INTS6: variants seen among roughly 807,000 people sequenced by gnomAD.
INTS6 encodes DEAD box protein.
A neutral mutation model predicts 104.9 loss-of-function variants in INTS6; 16 were observed. The ratio of observed to expected loss-of-function variants is 0.15; its 90% CI spans 0.10 to 0.23. INTS6 has a LOEUF of 0.23. Among genes scored for constraint, INTS6 ranks in the 10% least tolerant of loss-of-function variants. The probability of loss-of-function intolerance (pLI) is 1.00; values close to 1 mark genes in which losing one functional copy is unlikely to be tolerated. For missense variants in INTS6, 584 were observed against 1,062.8 expected (o/e 0.55, Z 6.26); for synonymous variants, 324 against 358.7 (o/e 0.90, Z 1.09).
At chr13:51,380,522 G>A (rs963786923) in intron 10 of INTS6, among the ~76,000 whole-genome samples, 1 of 152,122 alleles carries the variant, frequency 6.6e-6, no homozygotes, top group South Asian at 2.1e-4. Context: ...CGAAGTGTTT[G>A]TTCTTTTTTG....
intron 3 of INTS6, chr13:51,449,579 T>C: frequency 1.0e-6 from 1 of 985,328 alleles, no homozygotes; most frequent in Non-Finnish European, 1.2e-6. Flanking sequence ...AAACTAATAG[T>C]TCTGCCATAC....
intron 4 of INTS6, among the ~76,000 whole-genome samples, chr13:51,408,164 A>ATGGAG (rs1414357130): frequency 1.3e-5 from 2 of 149,570 alleles, no homozygotes; most frequent in Non-Finnish European, 3.0e-5. Context: ...TTTTTTTGAA[A>ATGGAG]TGGAGTTTCG....
intron 3 of INTS6, among the ~76,000 whole-genome samples, chr13:51,434,748 T>C (rs1210153625): frequency 2.8e-5 from 2 of 70,250 alleles, no homozygotes; most frequent in Admixed American, 2.8e-4. Flanking sequence ...TCTTATATAC[T>C]GTTTTGCACT....
rs1454497278 is a variant in INTS6, at chr13:51,379,447, A to G, written c.1386+15T>C. 1.3e-6 allele frequency: 2 copies of G among 1,488,766 alleles called. No individual in the cohort carries two copies. The highest frequency in any genetic ancestry group is 1.9e-6 in the Non-Finnish European group (2 of 1,079,478). 92.2% of individuals were successfully genotyped at this position (1,488,766 alleles called of 1,614,324 possible). On this transcript the variant is annotated intron_variant, in intron 11 of 17. Coordinates refer to ENST00000311234, the MANE Select transcript of INTS6 (RefSeq NM_012141.3). Reference sequence around the variant, plus strand: ...TTCAAAATACTTAATGGCTCACTCTATTTCTTGATATTACCTGTTGACTCA... The same window carrying G: ...TTCAAAATACTTAATGGCTCACTCTGTTTCTTGATATTACCTGTTGACTCA...
intron 4 of INTS6, among the ~76,000 whole-genome samples, chr13:51,412,483 A>T (rs1216607471): frequency 6.6e-6 from 1 of 152,208 alleles, no homozygotes; most frequent in Non-Finnish European, 1.5e-5. Flanking sequence ...GATCCAGGTG[A>T]GAATTCTCAT....
At chr13:51,400,335 A>G (rs1474065736) in intron 4 of INTS6, among the ~76,000 whole-genome samples, 3 of 152,212 alleles carry the variant, frequency 2.0e-5, no homozygotes, top group African/African-American at 7.2e-5. Context: ...CTTTTGATAA[A>G]CAGAAGTTAT....
chr13:51,452,670 G>A lies in INTS6; in HGVS notation c.-145C>T. Reference sequence around the variant, plus strand: ...AAACACTGTCTGGGTCTTTCCTCCGGCTGCGGGGAGTTTCTCCCCCGATAG... The same window carrying A: ...AAACACTGTCTGGGTCTTTCCTCCGACTGCGGGGAGTTTCTCCCCCGATAG... On this transcript the variant is annotated 5_prime_UTR_variant, in exon 1 of 18. Transcript: ENST00000311234. This position sits in a 1 kb window ranked among gnomAD's most constrained non-coding sequence, Gnocchi z 4.2. The A allele has an allele frequency of 1.4e-6, 2 of 1,420,650 alleles. No homozygotes were observed. Among genetic ancestry groups the A allele is most frequent in the Non-Finnish European group, 1.8e-6 (2 of 1,087,328 alleles). The allele number at this position is 1,420,650 out of a possible 1,614,324, so 88.0% of individuals were successfully genotyped here.
intron 4 of INTS6, among the ~76,000 whole-genome samples, chr13:51,403,594 GAAAAAAAAAAGA>G (rs1555287281): frequency 1.6e-5 from 1 of 63,016 alleles, no homozygotes; most frequent in Admixed American, 1.8e-4. Flanking sequence ...AAAAAAAAAA[GAAAAAAAAAAGA>G]AAAAAAAAAA....
At chr13:51,354,788 G>C (rs987651260) in intron 3 of INTS6, among the ~76,000 whole-genome samples, 1 of 152,080 alleles carries the variant, frequency 6.6e-6, no homozygotes. Flanking sequence ...ACTGAAAAAT[G>C]GATAATAACT....
chr13:51,381,489 C>T (rs183393384), intron 10 of INTS6, among the ~76,000 whole-genome samples: 1 of 152,220 alleles, frequency 6.6e-6, no homozygotes, highest in African/African-American at 2.4e-5. Flanking sequence ...TTGCTTAGGA[C>T]AGTACCTGGC....
At chr13:51,375,543 A>G (rs982436130) in intron 13 of INTS6, among the ~76,000 whole-genome samples, 1 of 152,060 alleles carries the variant, frequency 6.6e-6, no homozygotes, top group African/African-American at 2.4e-5. Context: ...CTTAAATCAG[A>G]GGTGGCAAAC....
At chr13:51,450,991 A>G in intron 3 of INTS6, 34 bp downstream of exon 3, 1 of 1,462,070 alleles carries the variant, frequency 6.8e-7, no homozygotes, top group Non-Finnish European at 9.1e-7. Context: ...AAAATGAAAA[A>G]TCAACTATTT....
At chr13:51,432,451 TTATTA>T (rs1186449551) in intron 3 of INTS6, among the ~76,000 whole-genome samples, 15 of 138,608 alleles carry the variant, frequency 1.1e-4, no homozygotes, top group Non-Finnish European at 1.8e-4. Context: ...TTACCACAAT[TTATTA>T]AAAAAAAAAA....
At chr13:51,365,907 A>AT (rs1955677805) in intron 17 of INTS6, 62 bp from the exon 18 acceptor site, 7 of 956,298 alleles carry the variant, frequency 7.3e-6, no homozygotes, top group African/African-American at 3.4e-5. Flanking sequence ...TATCAGTATA[A>AT]TTTTTTTAAG....
At chr13:51,447,735 A>C (rs1485763786) in intron 3 of INTS6, 1 of 125,766 alleles carries the variant, frequency 8.0e-6, no homozygotes, top group South Asian at 2.5e-4. Context: ...AATTTACTGA[A>C]AAAAAAAAAA....
At chr13:51,344,177 A>G in the INTS6 span, 5 of 1,033,030 alleles carry the variant, frequency 4.8e-6, no homozygotes, top group Admixed American at 9.8e-5. Flanking sequence ...ATCTCAATGC[A>G]ATGTGTGCTG....
the INTS6 span, chr13:51,348,315 C>T: frequency 6.9e-5 from 111 of 1,613,394 alleles, no homozygotes; most frequent in Non-Finnish European, 8.8e-5. Context: ...GACAAAGACA[C>T]CCCCCTGAGC....
At chr13:51,398,113 G>A (rs566553892) in intron 4 of INTS6, among the ~76,000 whole-genome samples, 1 of 151,994 alleles carries the variant, frequency 6.6e-6, no homozygotes, top group Non-Finnish European at 1.5e-5. Flanking sequence ...GGGAAAATCC[G>A]CTATAGTTTA....
intron 4 of INTS6, among the ~76,000 whole-genome samples, chr13:51,424,367 A>C (rs557747594): frequency 1.3e-5 from 2 of 151,692 alleles, no homozygotes; most frequent in South Asian, 2.1e-4. Flanking sequence ...TTCTTACTAC[A>C]TGATCTTGAA....
Sources: allele counts gnomAD v4.1 joint callset (sites outside exome capture counted in the v4.1 genomes callset), GRCh38; gene constraint gnomAD v4.1.1; non-coding constraint Gnocchi (gnomAD v3.1); transcripts MANE v1.5; gene names NCBI Gene and HGNC (gene_info 2026-07-23, HGNC 2026-07-21).